The following DCDC1 variants were observed in gnomAD, a reference collection of about 807,000 sequenced individuals.
DCDC1 encodes doublecortin domain-containing protein 1.
In DCDC1, 200 loss-of-function variants were observed where a neutral mutation model predicts 178.3. The ratio of observed to expected loss-of-function variants is 1.12; its 90% CI spans 1.00 to 1.26. DCDC1 has a LOEUF of 1.26. Ranked by LOEUF, DCDC1 falls within the 50% of genes most tolerant of loss-of-function variation. The pLI, the probability that DCDC1 is intolerant of heterozygous loss-of-function variation, is 0.00. For synonymous variants in DCDC1, 690 were observed against 604.8 expected (o/e 1.14, Z -2.07); for missense variants, 1,983 against 1,749.2 (o/e 1.13, Z -2.38).
intron 20 of DCDC1, among the ~76,000 whole-genome samples, chr11:30,997,799 A>G (rs1951350233): frequency 1.3e-5 from 2 of 148,620 alleles, no homozygotes; most frequent in Admixed American, 6.6e-5. Context: ...ATTTTACCAT[A>G]CCATAGTGTG....
intron 9 of DCDC1, among the ~76,000 whole-genome samples, chr11:31,162,887 C>A (rs1966436770): frequency 6.6e-6 from 1 of 152,168 alleles, no homozygotes; most frequent in South Asian, 2.1e-4. Context: ...ATTACTACAG[C>A]ATACAATAAT....
At chr11:30,894,799 C>T (rs1944072553) in intron 34 of DCDC1, among the ~76,000 whole-genome samples, 1 of 152,152 alleles carries the variant, frequency 6.6e-6, no homozygotes, top group Admixed American at 6.5e-5. Context: ...AGCTTAGCAG[C>T]CTGGGGATTA....
At chr11:31,265,442 T>C in intron 8 of DCDC1, 65 bp downstream of exon 8, 1 of 921,322 alleles carries the variant, frequency 1.1e-6, no homozygotes, top group Non-Finnish European at 1.5e-6. Context: ...ATGTTTAAAG[T>C]AAAAACAAAA....
chr11:31,256,263 G>C (rs1382533088), intron 8 of DCDC1, among the ~76,000 whole-genome samples: 1 of 152,114 alleles, frequency 6.6e-6, no homozygotes, highest in African/African-American at 2.4e-5. Flanking sequence ...GGAAGTGTGA[G>C]TTCACTGCAA....
chr11:31,125,567 C>G (rs921430268), intron 11 of DCDC1, among the ~76,000 whole-genome samples: 3 of 152,066 alleles, frequency 2.0e-5, no homozygotes, highest in African/African-American at 7.2e-5. Context: ...AAATGTGGTA[C>G]TTACACATCA....
Position 30,980,725 on chromosome 11 carries a change from GC to G in DCDC1, c.2592-28158del, listed in dbSNP as rs1950350619. Among the ~76,000 whole-genome samples, 6 of 152,250 alleles carry G rather than the reference GC, an allele frequency of 3.9e-5. No homozygotes were observed. In the South Asian group the frequency reaches 1.2e-3, roughly 32 times the overall value. On this transcript the variant is annotated intron_variant, in intron 20 of 38. Coordinates refer to ENST00000684477, the MANE Select transcript of DCDC1 (RefSeq NM_001387274.1). ...CCTTTGACATAAACAAATAAAATAT[GC>G]CAGTGAAAGAGAAATTAAGAGGTTT...
chr11:31,225,663 T>G (rs1051698828), intron 9 of DCDC1, among the ~76,000 whole-genome samples: 17 of 148,960 alleles, frequency 1.1e-4, no homozygotes, highest in African/African-American at 5.0e-5. Flanking sequence ...AATGGTTACC[T>G]CTAGAGAGGA....
intron 8 of DCDC1, among the ~76,000 whole-genome samples, chr11:31,246,210 TAA>T (rs1210385589): frequency 6.6e-6 from 1 of 151,976 alleles, no homozygotes; most frequent in African/African-American, 2.4e-5. Flanking sequence ...AATAAAAAAT[TAA>T]GTCACGCCAA....
intron 7 of DCDC1, among the ~76,000 whole-genome samples, chr11:31,290,083 C>T (rs1279511152): frequency 2.6e-5 from 4 of 152,012 alleles, no homozygotes; most frequent in East Asian, 1.9e-4. Flanking sequence ...CTAAGAAACA[C>T]GCATTTGTAT....
chr11:31,233,438 A>G (rs1438471187), intron 9 of DCDC1, among the ~76,000 whole-genome samples: 1 of 152,204 alleles, frequency 6.6e-6, no homozygotes, highest in East Asian at 1.9e-4. Flanking sequence ...GACAGAGCAC[A>G]TATGTGGTAC....
intron 8 of DCDC1, chr11:31,263,153 C>T (rs975739086): frequency 6.3e-5 from 89 of 1,423,634 alleles, no homozygotes; most frequent in South Asian, 3.2e-4. Context: ...TTCATCTTAA[C>T]GAAGATCCCT....
At chr11:31,261,471 A>G (rs1297985566) in intron 8 of DCDC1, among the ~76,000 whole-genome samples, 1 of 152,198 alleles carries the variant, frequency 6.6e-6, no homozygotes, top group East Asian at 1.9e-4. Context: ...CCAAGTATGA[A>G]TGAAAAACAT....
chr11:31,183,822 G>A (rs1222561959), intron 9 of DCDC1, among the ~76,000 whole-genome samples: 1 of 152,116 alleles, frequency 6.6e-6, no homozygotes, highest in Non-Finnish European at 1.5e-5. Flanking sequence ...CCATGTTCAT[G>A]GATAGGAAGA....
At chr11:31,127,736 A>G (rs1961852100) in intron 10 of DCDC1, 97 bp from the exon 11 acceptor site, 1 of 634,114 alleles carries the variant, frequency 1.6e-6, no homozygotes, top group Admixed American at 2.4e-5. Context: ...GGGGAAAATG[A>G]CTTCAATACA....
intron 8 of DCDC1, among the ~76,000 whole-genome samples, chr11:31,253,277 A>G (rs1944180859): frequency 6.6e-6 from 1 of 151,964 alleles, no homozygotes; most frequent in Non-Finnish European, 1.5e-5. Flanking sequence ...ATTCTTACTA[A>G]TTATTTATTT....
At chr11:31,047,813 T>C (rs555220578) in intron 20 of DCDC1, among the ~76,000 whole-genome samples, 1 of 152,304 alleles carries the variant, frequency 6.6e-6, no homozygotes, top group East Asian at 1.9e-4. Flanking sequence ...AAATTACTTT[T>C]TGAATAACAT....
In DCDC1 at chr11:30,917,847, A is replaced by G. The variant is rs989391023; in HGVS notation, c.3294-819T>C. On this transcript the variant is annotated intron_variant, in intron 25 of 38. Transcript: ENST00000684477. ...CAGACTGATCACCAAGGTGCTTGTCATAATTTGATGTAACTACAAGCATTA... is the reference window on the plus strand; with the variant it reads ...CAGACTGATCACCAAGGTGCTTGTCGTAATTTGATGTAACTACAAGCATTA... Among the ~76,000 whole-genome samples, 6 of 152,244 alleles carry G rather than the reference A, an allele frequency of 3.9e-5. 1 individual carries two copies. The highest frequency in any genetic ancestry group is 1.4e-4 in the African/African-American group (6 of 41,472).
At chr11:30,884,691 A>G (rs1943007795) in intron 36 of DCDC1, among the ~76,000 whole-genome samples, 1 of 152,044 alleles carries the variant, frequency 6.6e-6, no homozygotes, top group Non-Finnish European at 1.5e-5. Flanking sequence ...AAAATCTAAG[A>G]CCCTTGTAAA....
chr11:30,926,817 C>T (rs767119161), intron 22 of DCDC1, among the ~76,000 whole-genome samples: 2 of 152,134 alleles, frequency 1.3e-5, no homozygotes, highest in Non-Finnish European at 2.9e-5. Context: ...ATAAAACAGG[C>T]TGGGTATGGT....
Sources: allele counts gnomAD v4.1 joint callset (sites outside exome capture counted in the v4.1 genomes callset), GRCh38; gene constraint gnomAD v4.1.1; transcripts MANE v1.5; gene names NCBI Gene and HGNC (gene_info 2026-07-23, HGNC 2026-07-21).